ARMH3: variants seen among roughly 807,000 people sequenced by gnomAD.
ARMH3 encodes the protein armadillo-like helical domain-containing protein 3.
A neutral mutation model predicts 99.1 loss-of-function variants in ARMH3; 60 were observed. The observed-to-expected ratio is 0.61, with a 90% CI of 0.49 to 0.75. ARMH3 has a LOEUF of 0.75. ARMH3 is among the 30% of genes least tolerant of loss of function. ARMH3 has a pLI of 0.00. For missense variants in ARMH3, 679 were observed against 843.1 expected (o/e 0.81, Z 2.41); for synonymous variants, 285 against 292.8 (o/e 0.97, Z 0.27).
chr10:101,916,137 G>C (rs531945958), intron 23 of ARMH3, among the ~76,000 whole-genome samples: 2 of 152,136 alleles, frequency 1.3e-5, no homozygotes, highest in East Asian at 3.9e-4. Context: ...TTCAACAGTA[G>C]TAGGGCCCAG....
chr10:101,875,259 G>T (rs1391735600), intron 24 of ARMH3, among the ~76,000 whole-genome samples: 2 of 151,648 alleles, frequency 1.3e-5, no homozygotes, highest in Non-Finnish European at 2.9e-5. Context: ...CAAAAGCACA[G>T]GAACTAGAGT....
At chr10:101,862,024 G>A (rs1589921334) in intron 24 of ARMH3, among the ~76,000 whole-genome samples, 1 of 144,058 alleles carries the variant, frequency 6.9e-6, no homozygotes, top group Non-Finnish European at 1.5e-5. Flanking sequence ...ACTCCAGCCT[G>A]GGCGACAGAG....
At chr10:101,883,111 C>T (rs1349523862) in intron 24 of ARMH3, among the ~76,000 whole-genome samples, 1 of 152,002 alleles carries the variant, frequency 6.6e-6, no homozygotes, top group African/African-American at 2.4e-5. Context: ...AATCTTTTTC[C>T]TAGTTTGAAA....
At chr10:101,871,895 G>A (rs1441094444) in intron 24 of ARMH3, among the ~76,000 whole-genome samples, 3 of 152,046 alleles carry the variant, frequency 2.0e-5, no homozygotes, top group Non-Finnish European at 4.4e-5. Flanking sequence ...CAGCTGCTCA[G>A]GAGGCTGAGG....
chr10:102,018,279 T>C (rs1275595390), intron 8 of ARMH3, among the ~76,000 whole-genome samples: 1 of 152,228 alleles, frequency 6.6e-6, no homozygotes, highest in Admixed American at 6.5e-5. Context: ...CTCTGGGTTC[T>C]GCTCTTCATC....
At chr10:101,974,796 G>C (rs1845917512) in intron 20 of ARMH3, among the ~76,000 whole-genome samples, 1 of 151,724 alleles carries the variant, frequency 6.6e-6, no homozygotes, top group South Asian at 2.1e-4. Context: ...CTCTCCCTAT[G>C]ACATTCCTGA....
At chr10:101,875,446 AGTTGTTCT>A (rs1392829474) in intron 24 of ARMH3, among the ~76,000 whole-genome samples, 1 of 152,210 alleles carries the variant, frequency 6.6e-6, no homozygotes, top group African/African-American at 2.4e-5. Context: ...GACTACAGAT[AGTTGTTCT>A]GCCTTTTAAA....
At chr10:102,027,580 A>T (rs192602849) in intron 5 of ARMH3, among the ~76,000 whole-genome samples, 5 of 152,194 alleles carry the variant, frequency 3.3e-5, no homozygotes, top group Admixed American at 3.3e-4. Flanking sequence ...GGGATGTGTC[A>T]GTGAGTACAC....
At chr10:101,972,485 C>A (rs1845813740) in intron 20 of ARMH3, among the ~76,000 whole-genome samples, 1 of 152,170 alleles carries the variant, frequency 6.6e-6, no homozygotes, top group African/African-American at 2.4e-5. Context: ...GAGTTTCACA[C>A]AGCTCCCTCA....
chr10:101,940,665 T>G (rs1844200623), intron 22 of ARMH3, among the ~76,000 whole-genome samples: 1 of 152,134 alleles, frequency 6.6e-6, no homozygotes, highest in South Asian at 2.1e-4. Context: ...AGTGTTCTCA[T>G]TTTTCAATTC....
At chr10:101,889,732 C>A in intron 23 of ARMH3, 2 of 446,320 alleles carry the variant, frequency 4.5e-6, no homozygotes, top group East Asian at 3.6e-5. Context: ...TGCAAATGAA[C>A]TAACGGAAAA....
chr10:101,879,007 C>T (rs536294284), intron 24 of ARMH3, among the ~76,000 whole-genome samples: 1 of 152,316 alleles, frequency 6.6e-6, no homozygotes, highest in East Asian at 1.9e-4. Flanking sequence ...GACTGGCAGG[C>T]ACAGTCCCCA....
intron 14 of ARMH3, among the ~76,000 whole-genome samples, chr10:102,004,195 A>ACATTTGTT (rs2066431168): frequency 1.3e-5 from 2 of 152,246 alleles, no homozygotes; most frequent in African/African-American, 2.4e-5. Context: ...GGCTTTTAAA[A>ACATTTGTT]ATATGGCTCT....
In ARMH3 at chr10:102,002,050, T is replaced by C; in HGVS notation, c.1071A>G (p.Pro357=). 2 of 1,614,150 alleles carry C rather than the reference T, an allele frequency of 1.2e-6. No individual in the cohort carries two copies. Among genetic ancestry groups the C allele is most frequent in the South Asian group, 1.1e-5 (1 of 91,088 alleles). ...TACTGGTCTGTACATCTGCATCCAG[T>C]GGGAGTTCCACAGAACTTATAACTG... ...SSDVISSVEL[P]LDADVQTSNL... is the part of the protein sequence containing the mutation. Residue 357 remains proline (P), a synonymous_variant, in exon 15 of 26, where the codon CCA becomes CCG. Coordinates refer to ENST00000370033, the MANE Select transcript of ARMH3 (RefSeq NM_024541.3).
Position 102,051,157 on chromosome 10 carries a change from C to CAAAA in ARMH3, c.-12+4924_-12+4927dup, listed in dbSNP as rs774209681. On this transcript the variant is annotated intron_variant, in intron 1 of 25. Transcript: ENST00000370033. ...TGGGCGACAGAGCAAGACTCTGTCTCAAAAAAAAAAAAAAAAAGAAAGAAA... is the reference window on the plus strand; with the variant it reads ...TGGGCGACAGAGCAAGACTCTGTCTCAAAAAAAAAAAAAAAAAAAAAGAAAGAAA... 1.1e-4 allele frequency among the ~76,000 whole-genome samples: 6 copies of CAAAA among 57,012 alleles called. No homozygotes were observed. In the East Asian group the frequency reaches 1.9e-3, roughly 18 times the overall value. 37.4% of individuals were successfully genotyped at this position (57,012 alleles called of 152,430 possible).
chr10:102,025,152 T>C lies in ARMH3; in HGVS notation c.507+4A>G, dbSNP rs1445199155. The C allele has an allele frequency of 1.2e-6, 2 of 1,609,820 alleles. No homozygotes were observed. The highest frequency in any genetic ancestry group is 1.7e-6 in the Non-Finnish European group (2 of 1,176,382). ...AATACCCTTGACAAACATAGGTCAC[T>C]TACGGTCACTAAGCAAAGGAGAAGT... On this transcript the variant is annotated splice_donor_region_variant and intron_variant, in intron 6 of 25. Transcript: ENST00000370033.
In ARMH3 at chr10:101,898,677, C is replaced by T. The variant is rs530977710; in HGVS notation, c.1782-9187G>A. ...GGAAACATAACTGTTATACTCAATA[C>T]GCGCACACGCGCACACACACACACA... On this transcript the variant is annotated intron_variant, in intron 23 of 25. Transcript: ENST00000370033. Among the ~76,000 whole-genome samples, 30 of 152,312 alleles carry T rather than the reference C, an allele frequency of 2.0e-4. No individual in the cohort carries two copies. In the South Asian group the frequency reaches 4.1e-3, roughly 21 times the overall value.
At chr10:101,974,300 G>C (rs1479376177) in intron 20 of ARMH3, among the ~76,000 whole-genome samples, 1 of 152,196 alleles carries the variant, frequency 6.6e-6, no homozygotes, top group African/African-American at 2.4e-5. Context: ...TGAATTCCAT[G>C]GAAGGGGGCT....
At chr10:102,029,376 G>C (rs939168045) in intron 5 of ARMH3, 1 of 1,286,502 alleles carries the variant, frequency 7.8e-7, no homozygotes. Context: ...AAGAATGTAT[G>C]ATCATATGAT....
Sources: allele counts gnomAD v4.1 joint callset (sites outside exome capture counted in the v4.1 genomes callset), GRCh38; gene constraint gnomAD v4.1.1; transcripts MANE v1.5; gene names NCBI Gene and HGNC (gene_info 2026-07-23, HGNC 2026-07-21).